Variants in VTI1A observed in about 807,000 individuals in gnomAD.
The protein encoded by VTI1A is vesicle transport through interaction with t-SNAREs homolog 1A.
In VTI1A, 22 loss-of-function variants were observed where a neutral mutation model predicts 34.9. That is an observed-to-expected ratio of 0.63 (90% confidence interval 0.45 to 0.90). The LOEUF (loss-of-function observed/expected upper bound fraction) is 0.90. Among genes scored for constraint, VTI1A ranks in the 40% least tolerant of loss-of-function variants. The pLI is 0.00. For synonymous variants in VTI1A, 87 were observed against 97.3 expected (o/e 0.89, Z 0.62); for missense variants, 268 against 275.6 (o/e 0.97, Z 0.20).
intron 5 of VTI1A, among the ~76,000 whole-genome samples, chr10:112,624,477 T>C (rs932387008): frequency 6.6e-6 from 1 of 152,162 alleles, no homozygotes; most frequent in East Asian, 1.9e-4. Context: ...ATGGTTCTTA[T>C]TAGGATAAAT....
intron 3 of VTI1A, among the ~76,000 whole-genome samples, chr10:112,471,134 A>G (rs1014243539): frequency 2.6e-5 from 4 of 152,288 alleles, no homozygotes; most frequent in Non-Finnish European, 5.9e-5. Context: ...CCAAAGAAGT[A>G]TATTTTGGGG....
In VTI1A at chr10:112,447,384, A is replaced by G. The variant is rs761756569; in HGVS notation, c.11A>G (p.Asp4Gly). 1 of 1,613,394 alleles carries G rather than the reference A, an allele frequency of 6.2e-7. No individual in the cohort carries two copies. Among genetic ancestry groups the G allele is most frequent in the South Asian group, 1.1e-5 (1 of 91,020 alleles). Residue 4 changes from aspartate (D) to glycine (G), a missense_variant, in exon 1 of 8, where the codon GAC becomes GGC. Physicochemically the swap from Asp to Gly is moderately conservative, Grantham distance 94. Transcript: ENST00000393077. ...CGTTCCGGAGCCGCCATGTCGTCCG[A>G]CTTCGAAGGTTACGAGCAGGACTTC... MSS[D>G]FEGYEQDFAV...
chr10:112,812,815 CA>C (rs1853364429), intron 7 of VTI1A, among the ~76,000 whole-genome samples: 1 of 152,152 alleles, frequency 6.6e-6, no homozygotes, highest in African/African-American at 2.4e-5. Flanking sequence ...CTTCTAGCTT[CA>C]GGGGGAAGAC....
At chr10:112,759,998 G>A (rs771838890) in intron 7 of VTI1A, among the ~76,000 whole-genome samples, 2 of 152,226 alleles carry the variant, frequency 1.3e-5, no homozygotes, top group African/African-American at 2.4e-5. Flanking sequence ...AATTCCCAAT[G>A]GGGAATACTG....
intron 7 of VTI1A, among the ~76,000 whole-genome samples, chr10:112,684,595 C>T (rs562357791): frequency 3.3e-5 from 5 of 152,154 alleles, no homozygotes; most frequent in African/African-American, 7.2e-5. Context: ...CGGGCCATCA[C>T]GCCCAGCTAA....
intron 4 of VTI1A, among the ~76,000 whole-genome samples, chr10:112,535,220 T>A (rs1589872704): frequency 6.6e-6 from 1 of 152,288 alleles, no homozygotes; most frequent in East Asian, 1.9e-4. Flanking sequence ...ATTGGAAAAA[T>A]TAGATTAATC....
chr10:112,818,966 G>A (rs747938728), downstream of VTI1A, among the ~76,000 whole-genome samples: 11 of 152,002 alleles, frequency 7.2e-5, no homozygotes, highest in Admixed American at 7.2e-4. Flanking sequence ...GTCAAAAATA[G>A]GTTATATCTT....
Position 112,817,730 on chromosome 10 carries a change from G to A in VTI1A, c.*2347G>A, listed in dbSNP as rs1269571119. The A allele has an allele frequency of 1.3e-5, 3 of 229,254 alleles. No individual in the cohort carries two copies. Among genetic ancestry groups the A allele is most frequent in the African/African-American group, 2.2e-5 (1 of 45,132 alleles). The allele number at this position is 229,254 out of a possible 1,614,324, so 14.2% of individuals were successfully genotyped here. On this transcript the variant is annotated 3_prime_UTR_variant, in exon 8 of 8. Transcript: ENST00000393077. ...CCTGCCCCACCAGGAAAGGAATAAC[G>A]TCCACAGACTTGAAGCAGATAGTGA...
intron 3 of VTI1A, among the ~76,000 whole-genome samples, chr10:112,481,265 G>T (rs1848449950): frequency 6.6e-6 from 1 of 152,132 alleles, no homozygotes; most frequent in Non-Finnish European, 1.5e-5. Context: ...TTTCCTTTCA[G>T]TGTAAAGTTA....
chr10:112,780,025 C>G (rs1399742143), intron 7 of VTI1A, among the ~76,000 whole-genome samples: 2 of 150,990 alleles, frequency 1.3e-5, no homozygotes, highest in African/African-American at 4.9e-5. Context: ...GATTACAGCT[C>G]ACACCTGTAA....
intron 5 of VTI1A, among the ~76,000 whole-genome samples, chr10:112,573,904 C>T (rs1380948519): frequency 1.3e-5 from 2 of 152,130 alleles, no homozygotes; most frequent in Admixed American, 1.3e-4. Flanking sequence ...ATACCATTGG[C>T]TTCTGTGAGG....
At chr10:112,802,647 C>G (rs1852913878) in intron 7 of VTI1A, among the ~76,000 whole-genome samples, 1 of 152,234 alleles carries the variant, frequency 6.6e-6, no homozygotes, top group Admixed American at 6.5e-5. Context: ...CTAGAAGAAT[C>G]ACCAAAGAGT....
At chr10:112,560,510 C>G (rs1851688791) in intron 5 of VTI1A, among the ~76,000 whole-genome samples, 1 of 152,022 alleles carries the variant, frequency 6.6e-6, no homozygotes, top group Non-Finnish European at 1.5e-5. Context: ...TTTGCCTTCT[C>G]CACAAGAATG....
intron 7 of VTI1A, among the ~76,000 whole-genome samples, chr10:112,763,040 C>T (rs1691444138): frequency 6.6e-6 from 1 of 152,158 alleles, no homozygotes; most frequent in Non-Finnish European, 1.5e-5. Flanking sequence ...CAGCCCCTGC[C>T]ACTTGGCTCT....
intron 5 of VTI1A, among the ~76,000 whole-genome samples, chr10:112,666,488 T>A (rs766107437): frequency 6.6e-6 from 1 of 151,954 alleles, no homozygotes; most frequent in Non-Finnish European, 1.5e-5. Context: ...GCATGGAAGC[T>A]CCATGAGTGC....
At chr10:112,702,700 C>T (rs1482865579) in intron 7 of VTI1A, among the ~76,000 whole-genome samples, 10 of 152,216 alleles carry the variant, frequency 6.6e-5, no homozygotes, top group African/African-American at 2.2e-4. Flanking sequence ...ATTCTCATGC[C>T]TCAGCCTCTG....
chr10:112,557,388 T>G lies in VTI1A; in HGVS notation c.427+19058T>G, dbSNP rs537454062. On this transcript the variant is annotated intron_variant, in intron 5 of 7. Coordinates refer to ENST00000393077, the MANE Select transcript of VTI1A (RefSeq NM_145206.4). ...ATTAAATTTTATTGCAAAATTATCTTCCGATGTTCAGCAGTAAAGATAGTA... is the reference window on the plus strand; with the variant it reads ...ATTAAATTTTATTGCAAAATTATCTGCCGATGTTCAGCAGTAAAGATAGTA... 8.0e-4 allele frequency among the ~76,000 whole-genome samples: 122 copies of G among 152,282 alleles called. 1 individual carries two copies. Among genetic ancestry groups the G allele is most frequent in the Middle Eastern group, 6.8e-3 (2 of 294 alleles).
In VTI1A at chr10:112,816,476, A is replaced by T. The variant is rs2134098118; in HGVS notation, c.*1093A>T. On this transcript the variant is annotated 3_prime_UTR_variant, in exon 8 of 8. Coordinates refer to ENST00000393077, the MANE Select transcript of VTI1A (RefSeq NM_145206.4). ...AATGGCTTGGGTTTTTAACTAACAA[A>T]TGTTAGCAAGCCTTTCTTGAATTCA... 4.5e-6 allele frequency: 1 copy of T among 224,110 alleles called. No homozygotes were observed. The highest frequency in any genetic ancestry group is 6.5e-5 in the East Asian group (1 of 15,370). 13.9% of individuals were successfully genotyped at this position (224,110 alleles called of 1,614,324 possible).
intron 5 of VTI1A, among the ~76,000 whole-genome samples, chr10:112,662,315 T>C (rs1433085482): frequency 6.6e-6 from 1 of 152,220 alleles, no homozygotes; most frequent in Non-Finnish European, 1.5e-5. Flanking sequence ...CCACTTGTTA[T>C]AACCTCACAA....
Sources: gnomAD v4.1 joint callset for allele counts (sites outside exome capture counted in the v4.1 genomes callset) on GRCh38, gnomAD v4.1.1 for gene constraint, MANE v1.5 for transcripts, NCBI Gene and HGNC (gene_info 2026-07-23, HGNC 2026-07-21) for gene names.